Variants in TMTC1 observed in about 807,000 individuals in gnomAD.
TMTC1 encodes the protein transmembrane O-mannosyltransferase targeting cadherins 1, also known as protein O-mannosyl-transferase TMTC1.
TMTC1 carries 73 observed loss-of-function variants against 104.8 expected under a neutral mutation model. The observed-to-expected ratio is 0.70, with a 90% CI of 0.58 to 0.85. The LOEUF (loss-of-function observed/expected upper bound fraction) is 0.85, where lower values mean the gene tolerates loss of function less well. Ranked by LOEUF, TMTC1 falls within the 40% of genes least tolerant of loss-of-function variation. The probability of loss-of-function intolerance (pLI) is 0.00; values close to 1 mark genes in which losing one functional copy is unlikely to be tolerated. For synonymous variants in TMTC1, 434 were observed against 428.7 expected (o/e 1.01, Z -0.15); for missense variants, 1,035 against 1,096.1 (o/e 0.94, Z 0.79).
chr12:29,717,821 C>A (rs1866355), intron 5 of TMTC1, among the ~76,000 whole-genome samples: 66,354 of 151,942 alleles, frequency 0.44, 14,747 homozygotes, highest in South Asian at 0.61. Context: ...ACATGCACAT[C>A]ATTATAACTA....
chr12:29,542,831 T>G (rs1055142420), intron 10 of TMTC1, among the ~76,000 whole-genome samples: 1 of 151,948 alleles, frequency 6.6e-6, no homozygotes, highest in Non-Finnish European at 1.5e-5. Flanking sequence ...CAGGATGGGG[T>G]TGGGCAGAGT....
chr12:29,504,497 A>G lies in TMTC1; in HGVS notation c.*2349T>C, dbSNP rs1943657458. 1 of 152,142 alleles carries G rather than the reference A, an allele frequency of 6.6e-6. No individual in the cohort carries two copies. The highest frequency in any genetic ancestry group is 2.1e-4 in the South Asian group (1 of 4,824). 9.4% of individuals were successfully genotyped at this position (152,142 alleles called of 1,614,324 possible). ...TGGGATAAAAGTATCTGATCCAACA[A>G]ATAATTACTTTTTTAAAAAACAGTG... On this transcript the variant is annotated 3_prime_UTR_variant, in exon 18 of 18. Coordinates refer to ENST00000539277, the MANE Select transcript of TMTC1 (RefSeq NM_001193451.2).
intron 8 of TMTC1, among the ~76,000 whole-genome samples, chr12:29,578,113 T>C (rs1024944296): frequency 2.0e-5 from 3 of 151,924 alleles, no homozygotes; most frequent in Non-Finnish European, 4.4e-5. Flanking sequence ...GAATAGACAA[T>C]TGGGTCTGTG....
At chr12:29,658,998 C>T (rs148751120) in intron 5 of TMTC1, among the ~76,000 whole-genome samples, 1 of 152,340 alleles carries the variant, frequency 6.6e-6, no homozygotes, top group East Asian at 1.9e-4. Flanking sequence ...ATCCACTGAT[C>T]AGCATTACTT....
intron 14 of TMTC1, 41 bp from the exon 15 acceptor site, chr12:29,516,527 T>G (rs760922572): frequency 6.4e-7 from 1 of 1,574,246 alleles, no homozygotes; most frequent in African/African-American, 1.4e-5. Context: ...GAGACTTCAT[T>G]ACCTTATCAA....
intron 5 of TMTC1, among the ~76,000 whole-genome samples, chr12:29,732,262 T>C (rs542752895): frequency 7.9e-5 from 12 of 152,342 alleles, no homozygotes; most frequent in Non-Finnish European, 1.3e-4. Flanking sequence ...GGACTGACTT[T>C]ACACAGGAAG....
At chr12:29,562,807 A>G (rs1473022645) in intron 9 of TMTC1, among the ~76,000 whole-genome samples, 2 of 152,162 alleles carry the variant, frequency 1.3e-5, no homozygotes, top group Non-Finnish European at 2.9e-5. Context: ...CACCTGTTAC[A>G]CTACATACAT....
chr12:29,755,289 G>A (rs986354245), intron 4 of TMTC1, among the ~76,000 whole-genome samples: 1 of 152,178 alleles, frequency 6.6e-6, no homozygotes, highest in Non-Finnish European at 1.5e-5. Context: ...ATCATTAGAA[G>A]AGCAGGAAAA....
Position 29,731,417 on chromosome 12 carries a change from C to T in TMTC1, c.938+20249G>A, listed in dbSNP as rs77816711. Among the ~76,000 whole-genome samples the T allele has an allele frequency of 1.5e-3, 235 of 152,286 alleles. 3 individuals are homozygous for T. The East Asian group carries it at 0.039, about 25-fold the overall frequency. ...GTGATTCACCTGCCTTGGCCTCCCA[C>T]AGTGCTGGAATTATATGCCCACAAT... On this transcript the variant is annotated intron_variant, in intron 5 of 17. Coordinates refer to ENST00000539277, the MANE Select transcript of TMTC1 (RefSeq NM_001193451.2).
chr12:29,725,213 A>T (rs2136897083), intron 5 of TMTC1, among the ~76,000 whole-genome samples: 1 of 150,180 alleles, frequency 6.7e-6, no homozygotes, highest in South Asian at 2.1e-4. Context: ...TTTAGTAGAG[A>T]TGGGGGTTTC....
intron 11 of TMTC1, among the ~76,000 whole-genome samples, chr12:29,531,019 G>T (rs974171892): frequency 7.9e-5 from 12 of 152,024 alleles, no homozygotes; most frequent in African/African-American, 2.7e-4. Flanking sequence ...ATGTTCACTG[G>T]TGCTTTCCCT....
intron 5 of TMTC1, among the ~76,000 whole-genome samples, chr12:29,641,566 C>T (rs1454295260): frequency 6.6e-6 from 1 of 152,132 alleles, no homozygotes; most frequent in African/African-American, 2.4e-5. Flanking sequence ...AGGGAACACA[C>T]CGTGGGACAA....
intron 5 of TMTC1, among the ~76,000 whole-genome samples, chr12:29,740,320 T>C (rs926104011): frequency 2.6e-5 from 4 of 152,170 alleles, no homozygotes; most frequent in Admixed American, 2.6e-4. Context: ...TTTGAGTCAG[T>C]GGGCTGGGGA....
chr12:29,614,111 T>C (rs1946916796), intron 6 of TMTC1: 1 of 161,328 alleles, frequency 6.2e-6, no homozygotes, highest in African/African-American at 2.4e-5. Context: ...GAGATATGTT[T>C]GGCTTACTTT....
At chr12:29,623,445 T>C (rs769395491) in intron 6 of TMTC1, among the ~76,000 whole-genome samples, 1 of 152,200 alleles carries the variant, frequency 6.6e-6, no homozygotes, top group Admixed American at 6.5e-5. Flanking sequence ...AAGAAGAAGG[T>C]TTTTGGTAAA....
intron 5 of TMTC1, among the ~76,000 whole-genome samples, chr12:29,695,305 TTTTG>T (rs1386842284): frequency 1.3e-5 from 2 of 152,004 alleles, no homozygotes; most frequent in Non-Finnish European, 2.9e-5. Flanking sequence ...ATCCACAGGT[TTTTG>T]TTTGTTTGTT....
intron 9 of TMTC1, among the ~76,000 whole-genome samples, chr12:29,564,289 G>T (rs1243790698): frequency 6.6e-6 from 1 of 152,048 alleles, no homozygotes; most frequent in East Asian, 1.9e-4. Flanking sequence ...ATAGATTTGA[G>T]GGTCAACCAG....
chr12:29,664,285 G>T (rs1325061100), intron 5 of TMTC1, among the ~76,000 whole-genome samples: 2 of 151,872 alleles, frequency 1.3e-5, no homozygotes, highest in East Asian at 3.9e-4. Flanking sequence ...AATTGGTAAA[G>T]AGAGCAGTGG....
intron 1 of TMTC1, among the ~76,000 whole-genome samples, chr12:29,774,370 T>C (rs985692837): frequency 6.6e-6 from 1 of 152,188 alleles, no homozygotes; most frequent in African/African-American, 2.4e-5. Context: ...GCTGCTAGTA[T>C]TGCCCAGCTT....
Sources: allele counts gnomAD v4.1 joint callset (sites outside exome capture counted in the v4.1 genomes callset), GRCh38; gene constraint gnomAD v4.1.1; transcripts MANE v1.5; gene names NCBI Gene and HGNC (gene_info 2026-07-23, HGNC 2026-07-21).